The following CSMD3 variants were observed in gnomAD, a reference collection of about 807,000 sequenced individuals.
The protein encoded by CSMD3 is CUB and sushi domain-containing protein 3.
In CSMD3, 177 loss-of-function variants were observed where a neutral mutation model predicts 435.2. The observed-to-expected ratio is 0.41, with a 90% CI of 0.36 to 0.46. The LOEUF (loss-of-function observed/expected upper bound fraction) is 0.46. CSMD3 is among the 20% of genes least tolerant of loss of function. CSMD3 has a pLI of 0.34. For missense variants in CSMD3, 4,265 were observed against 4,504.6 expected (o/e 0.95, Z 1.52); for synonymous variants, 1,656 against 1,520.5 (o/e 1.09, Z -2.07).
intron 41 of CSMD3, among the ~76,000 whole-genome samples, chr8:112,342,359 G>A (rs756819497): frequency 5.9e-5 from 9 of 151,918 alleles, no homozygotes; most frequent in Non-Finnish European, 8.8e-5. Flanking sequence ...GATAAAAAAT[G>A]TTAATTAAAG....
chr8:112,935,839 G>T (rs2083264749), intron 9 of CSMD3, among the ~76,000 whole-genome samples: 1 of 152,016 alleles, frequency 6.6e-6, no homozygotes, highest in Non-Finnish European at 1.5e-5. Context: ...GCTCTGTTTT[G>T]TGGTGAATGT....
chr8:112,450,983 G>A (rs1267615320), intron 32 of CSMD3, among the ~76,000 whole-genome samples: 1 of 151,934 alleles, frequency 6.6e-6, no homozygotes, highest in East Asian at 1.9e-4. Flanking sequence ...ATTTGCAAAA[G>A]GGAAGCAACT....
intron 13 of CSMD3, among the ~76,000 whole-genome samples, chr8:112,799,018 A>C (rs529345712): frequency 6.6e-6 from 1 of 152,004 alleles, no homozygotes; most frequent in East Asian, 1.9e-4. Context: ...AAAAAAAGAC[A>C]GATAAATACA....
At chr8:112,456,844 C>G (rs184419697) in intron 32 of CSMD3, among the ~76,000 whole-genome samples, 1 of 152,034 alleles carries the variant, frequency 6.6e-6, no homozygotes, top group African/African-American at 2.4e-5. Flanking sequence ...AGACACAAAC[C>G]CTCATGAAAT....
intron 10 of CSMD3, among the ~76,000 whole-genome samples, chr8:112,877,468 AT>A (rs1356597415): frequency 6.6e-6 from 1 of 151,966 alleles, no homozygotes; most frequent in African/African-American, 2.4e-5. Flanking sequence ...GGGTTTCACC[AT>A]GTTAGCCAAG....
intron 16 of CSMD3, 130 bp downstream of exon 16, chr8:112,682,312 T>C: frequency 1.3e-6 from 1 of 797,454 alleles, no homozygotes; most frequent in South Asian, 1.5e-5. Context: ...AAGATATGTT[T>C]AATATAGAAT....
chr8:112,494,499 C>G lies in CSMD3; in HGVS notation c.5084-1816G>C, dbSNP rs199984881. Reference sequence around the variant, plus strand: ...TTTCTTTTGTTTCTTTCTCTCCTTTCTTTCTTTCTTTCTTTCTTTCTTTCT... The same window carrying G: ...TTTCTTTTGTTTCTTTCTCTCCTTTGTTTCTTTCTTTCTTTCTTTCTTTCT... On this transcript the variant is annotated intron_variant, in intron 30 of 70. Transcript: ENST00000297405. Among the ~76,000 whole-genome samples the G allele has an allele frequency of 2.3e-4, 4 of 17,110 alleles. 1 individual carries two copies. The highest frequency in any genetic ancestry group is 1.7e-4 in the African/African-American group (1 of 5,892). The allele number at this position is 17,110 out of a possible 152,430, so 11.2% of individuals were successfully genotyped here.
chr8:112,251,341 CA>C (rs1815241322), intron 63 of CSMD3, among the ~76,000 whole-genome samples: 1 of 151,524 alleles, frequency 6.6e-6, no homozygotes, highest in Non-Finnish European at 1.5e-5. Flanking sequence ...AAAATTGACA[CA>C]GAAAGGCAAG....
rs2130814212 is a variant in CSMD3 at position 112,311,086 on chromosome 8, G to C, written c.7777C>G (p.Arg2593Gly). 6.2e-7 allele frequency: 1 copy of C among 1,613,884 alleles called. No homozygotes were observed. The highest frequency in any genetic ancestry group is 8.5e-7 in the Non-Finnish European group (1 of 1,179,924). ...QTGGQLNSVV[R>G]WACDRGFRLV... ...CGGAATCCTCGATCACAGGCCCAAC[G>C]GACCACACTGTTAAGCTGCCCACCT... The change falls in exon 50 of 71, where the codon CGT becomes GGT. Residue 2593 changes from arginine to glycine, a missense_variant. Physicochemically the swap from Arg to Gly is moderately radical, Grantham distance 125. This residue lies in a region of CSMD3 where 3,255 missense variants were observed against 3,380.2 expected (regional missense o/e 0.96). Transcript: ENST00000297405.
At chr8:112,368,829 A>T (rs868147925) in intron 38 of CSMD3, among the ~76,000 whole-genome samples, 11 of 152,162 alleles carry the variant, frequency 7.2e-5, no homozygotes, top group African/African-American at 2.2e-4. Flanking sequence ...ATAATTTTCC[A>T]TTTGTAAAAT....
At chr8:113,112,494 CACA>C (rs2131603066) in intron 4 of CSMD3, among the ~76,000 whole-genome samples, 1 of 140,514 alleles carries the variant, frequency 7.1e-6, no homozygotes, top group South Asian at 2.3e-4. Context: ...CACACACACA[CACA>C]CACACTTGTG....
At chr8:112,636,463 T>C (rs1222442367) in intron 22 of CSMD3, among the ~76,000 whole-genome samples, 1 of 143,122 alleles carries the variant, frequency 7.0e-6, no homozygotes, top group East Asian at 2.0e-4. Context: ...TCTCAAAATA[T>C]GATTCTATTT....
intron 12 of CSMD3, among the ~76,000 whole-genome samples, chr8:112,804,347 T>A (rs367716735): frequency 6.6e-6 from 1 of 151,912 alleles, no homozygotes; most frequent in African/African-American, 2.4e-5. Context: ...AAAACTGATA[T>A]GTTAATTATC....
At chr8:113,133,732 A>G (rs1461655922) in intron 4 of CSMD3, among the ~76,000 whole-genome samples, 2 of 152,142 alleles carry the variant, frequency 1.3e-5, no homozygotes, top group Non-Finnish European at 2.9e-5. Flanking sequence ...TATATATAGA[A>G]TGGAATATTA....
chr8:113,198,495 A>C (rs966052934), intron 3 of CSMD3, among the ~76,000 whole-genome samples: 1 of 151,254 alleles, frequency 6.6e-6, no homozygotes, highest in East Asian at 1.9e-4. Context: ...CACATACTAA[A>C]TTGACAAAGA....
chr8:113,120,715 A>T (rs1043663798), intron 4 of CSMD3, among the ~76,000 whole-genome samples: 5 of 152,134 alleles, frequency 3.3e-5, no homozygotes, highest in Non-Finnish European at 7.4e-5. Context: ...TCTTCCTCTG[A>T]AATCTTGCCA....
intron 4 of CSMD3, among the ~76,000 whole-genome samples, chr8:113,126,045 A>G (rs1026493299): frequency 1.3e-5 from 2 of 152,042 alleles, no homozygotes; most frequent in African/African-American, 4.8e-5. Context: ...TACTGATGTT[A>G]CAGTATAATT....
chr8:112,977,507 G>A (rs965002432), intron 6 of CSMD3, among the ~76,000 whole-genome samples: 2 of 151,898 alleles, frequency 1.3e-5, no homozygotes, highest in African/African-American at 4.8e-5. Flanking sequence ...GTGATTAGTA[G>A]GACTAATAAT....
intron 38 of CSMD3, among the ~76,000 whole-genome samples, chr8:112,354,728 G>T (rs1215092202): frequency 6.6e-6 from 1 of 152,176 alleles, no homozygotes; most frequent in East Asian, 1.9e-4. Flanking sequence ...AACATTCCAT[G>T]CTCATGAATT....
Sources: gnomAD v4.1 joint callset for allele counts (sites outside exome capture counted in the v4.1 genomes callset) on GRCh38, gnomAD v4.1.1 for gene constraint, gnomAD v4.1.1 regional missense constraint, MANE v1.5 for transcripts, NCBI Gene and HGNC (gene_info 2026-07-23, HGNC 2026-07-21) for gene names.